Variants in OGG1 observed in about 807,000 individuals in gnomAD.
OGG1 encodes the protein N-glycosylase/DNA lyase.
In OGG1, 35 loss-of-function variants were observed where a neutral mutation model predicts 42.3. The observed-to-expected ratio is 0.83, with a 90% CI of 0.63 to 1.10. The LOEUF (loss-of-function observed/expected upper bound fraction) is 1.10. OGG1 is among the 50% of genes least tolerant of loss of function. The pLI is 0.00. For synonymous variants in OGG1, 189 were observed against 179.0 expected (o/e 1.06, Z -0.44); for missense variants, 484 against 446.7 (o/e 1.08, Z -0.75).
At chr3:9,782,165 T>C (rs1300946401) in intron 3 of OGG1, among the ~76,000 whole-genome samples, 1 of 152,174 alleles carries the variant, frequency 6.6e-6, no homozygotes, top group East Asian at 1.9e-4. Context: ...TAACTGCACA[T>C]GCCTGCTTTT....
At chr3:9,784,528 C>T (rs964056287) in intron 3 of OGG1, among the ~76,000 whole-genome samples, 1 of 151,866 alleles carries the variant, frequency 6.6e-6, no homozygotes, top group African/African-American at 2.4e-5. Flanking sequence ...TCTTTTGCTA[C>T]ATATTAGTCC....
At chr3:9,769,900 C>T (rs2078264886), downstream of OGG1, 2 of 152,234 alleles carry the variant, frequency 1.3e-5, no homozygotes, top group Non-Finnish European at 1.5e-5. Flanking sequence ...TGGCCGCGGT[C>T]CTCACCGCTG....
downstream of OGG1, chr3:9,760,561 C>T: frequency 1.6e-6 from 2 of 1,284,762 alleles, no homozygotes; most frequent in Non-Finnish European, 2.2e-6. Flanking sequence ...GCTGGAAAAT[C>T]CGACAGAAGG....
downstream of OGG1, among the ~76,000 whole-genome samples, chr3:9,769,252 C>T (rs529437741): frequency 6.6e-6 from 1 of 152,010 alleles, no homozygotes; most frequent in Admixed American, 6.6e-5. Flanking sequence ...CAGACACACA[C>T]ACACACACCC....
downstream of OGG1, among the ~76,000 whole-genome samples, chr3:9,767,079 C>G (rs1489816564): frequency 2.0e-5 from 3 of 152,168 alleles, no homozygotes; most frequent in Non-Finnish European, 2.9e-5. Flanking sequence ...TTATGCTATT[C>G]CTTCTGCCTG....
chr3:9,785,392 TAGG>T (rs1388858126), intron 3 of OGG1: 1 of 1,613,942 alleles, frequency 6.2e-7, no homozygotes, highest in African/African-American at 1.3e-5. Flanking sequence ...ATGTCAGGAA[TAGG>T]AGAATCCTCC....
rs759789340 is a variant in OGG1 at position 9,781,638 on chromosome 3, C to A, written c.382+38C>A. ...CCAGATCAATCTCTCTGAACAGGGT[C>A]TGATTTATACATTTCATCGATGGTG... On this transcript the variant is annotated intron_variant, in intron 3 of 3. Transcript: ENST00000426518. 9.1e-5 allele frequency: 40 copies of A among 438,282 alleles called. 1 individual carries two copies. Among genetic ancestry groups the A allele is most frequent in the South Asian group, 6.2e-4 (40 of 64,220 alleles). The allele number at this position is 438,282 out of a possible 1,614,324, so 27.1% of individuals were successfully genotyped here. A position where few individuals can be genotyped will look rare whatever the true frequency, so the allele number is the denominator to read the frequency against.
At chr3:9,776,394 T>C (rs1278861922) in intron 2 of OGG1, among the ~76,000 whole-genome samples, 2 of 145,086 alleles carry the variant, frequency 1.4e-5, no homozygotes, top group African/African-American at 5.1e-5. Context: ...TTTTCTTTTT[T>C]TTTTTTTTTT....
chr3:9,775,821 G>A (rs1045336103), intron 2 of OGG1, among the ~76,000 whole-genome samples: 2 of 151,972 alleles, frequency 1.3e-5, no homozygotes, highest in Non-Finnish European at 2.9e-5. Context: ...TGTATTTTTA[G>A]TAGAGACAGG....
chr3:9,787,827 GAA>G, exon 4 of OGG1: 1 of 751,380 alleles, frequency 1.3e-6, no homozygotes, highest in Non-Finnish European at 2.0e-6. Context: ...TGGGGAATCT[GAA>G]AGAGTGCTTT....
At position 9,750,296 on chromosome 3, in the gene OGG1, C is replaced by G. The variant is rs979503502; in HGVS notation, c.10C>G (p.Arg4Gly). MPA[R>G]ALLPRRMGHR... ...GGTGCCTGCTGTGGAAATGCCTGCC[C>G]GCGCGCTTCTGCCCAGGCGCATGGG... Residue 4 changes from arginine to glycine, a missense_variant, in exon 1 of 7, where the codon CGC (arginine) becomes GGC (glycine). Physicochemically the swap from Arg to Gly is moderately radical, Grantham distance 125. Transcript: ENST00000344629. 3.7e-6 allele frequency: 6 copies of G among 1,610,520 alleles called. No individual in the cohort carries two copies. The highest frequency in any genetic ancestry group is 2.2e-5 in the East Asian group (1 of 44,820).
chr3:9,755,972 C>A (rs973569888), intron 4 of OGG1, among the ~76,000 whole-genome samples: 3 of 152,152 alleles, frequency 2.0e-5, no homozygotes, highest in African/African-American at 7.2e-5. Flanking sequence ...GTTATGATAA[C>A]CTGGCCCACA....
intron 3 of OGG1, among the ~76,000 whole-genome samples, chr3:9,781,821 T>C (rs2078473543): frequency 6.7e-6 from 1 of 149,566 alleles, no homozygotes; most frequent in Admixed American, 6.7e-5. Flanking sequence ...ATTTCTTCAT[T>C]GCCCATTACT....
rs1158717787 is a variant in OGG1, at chr3:9,751,870, G to A, written c.486G>A (p.Leu162=). Residue 162 remains leucine, a synonymous_variant, in exon 3 of 7, where the codon CTG becomes CTA. Coordinates refer to ENST00000344629, the MANE Select transcript of OGG1 (RefSeq NM_002542.6). ...GCATCACTGGCATGGTGGAGCGGCT[G>A]TGCCAGGCTTTTGGACCTCGGCTCA... The part of the protein sequence containing the change: ...IARITGMVER[L]CQAFGPRLIQ... 6.8e-6 allele frequency: 11 copies of A among 1,614,174 alleles called. No individual in the cohort carries two copies. Among genetic ancestry groups the A allele is most frequent in the Non-Finnish European group, 6.8e-6 (8 of 1,180,036 alleles).
chr3:9,782,825 G>A (rs937195268), intron 3 of OGG1, among the ~76,000 whole-genome samples: 3 of 150,312 alleles, frequency 2.0e-5, no homozygotes, highest in East Asian at 3.9e-4. Context: ...GAATGAATGT[G>A]CCCTGTCCTG....
At chr3:9,763,756 C>T (rs2078005039) in intron 7 of OGG1, among the ~76,000 whole-genome samples, 1 of 152,172 alleles carries the variant, frequency 6.6e-6, no homozygotes, top group Admixed American at 6.5e-5. Context: ...GAGGCCAAGG[C>T]AGGCGGATCA....
At chr3:9,757,701 A>C, downstream of OGG1, 1 of 1,614,100 alleles carries the variant, frequency 6.2e-7, no homozygotes, top group Non-Finnish European at 8.5e-7. This position sits in a 1 kb window ranked among gnomAD's most constrained non-coding sequence, Gnocchi z 4.5. Flanking sequence ...TGGACCACCC[A>C]TGCCCTTCTG....
downstream of OGG1, among the ~76,000 whole-genome samples, chr3:9,768,951 A>C (rs1266658050): frequency 6.6e-6 from 1 of 150,866 alleles, no homozygotes; most frequent in Admixed American, 6.6e-5. Context: ...AGGCCTACCA[A>C]ATACAACCCT....
chr3:9,787,317 G>A (rs372911265), intron 3 of OGG1: 5 of 1,613,184 alleles, frequency 3.1e-6, no homozygotes, highest in African/African-American at 2.7e-5. Flanking sequence ...AGCGCTGGGA[G>A]TAGTGCTTCC....
Sources: allele counts gnomAD v4.1 joint callset (sites outside exome capture counted in the v4.1 genomes callset), GRCh38; gene constraint gnomAD v4.1.1; non-coding constraint Gnocchi (gnomAD v3.1); transcripts MANE v1.5; gene names NCBI Gene and HGNC (gene_info 2026-07-23, HGNC 2026-07-21).